FGF13: variants seen among roughly 807,000 people sequenced by gnomAD.
FGF13 encodes fibroblast growth factor 13.
Under a neutral mutation model 19.5 loss-of-function variants are expected in FGF13, and 2 were observed. The ratio of observed to expected loss-of-function variants is 0.10; its 90% CI spans 0.04 to 0.32. FGF13 has a LOEUF of 0.32. Among genes scored for constraint, FGF13 ranks in the 10% least tolerant of loss-of-function variants. FGF13 has a pLI of 1.00. For synonymous variants in FGF13, 72 were observed against 76.9 expected (o/e 0.94, Z 0.33); for missense variants, 113 against 192.7 (o/e 0.59, Z 2.45).
intron 1 of FGF13, among the ~76,000 whole-genome samples, chrX:138,990,350 C>A (rs968479231): frequency 8.1e-5 from 9 of 110,647 alleles, no homozygotes; most frequent in Non-Finnish European, 1.7e-4. Context: ...AAAAACATAG[C>A]TTTCTGAGTA....
At chrX:138,710,416 G>GAGGGATTCCCC (rs1247113521) in intron 1 of FGF13, among the ~76,000 whole-genome samples, 1 of 111,496 alleles carries the variant, frequency 9.0e-6, no homozygotes, top group Non-Finnish European at 1.9e-5. Context: ...AAAAGCAAGA[G>GAGGGATTCCCC]AGGGATTCCC....
upstream of FGF13, chrX:139,204,229 G>C (rs954776079): frequency 4.6e-6 from 3 of 655,907 alleles, no homozygotes; most frequent in South Asian, 2.6e-5. Context: ...TGTGGTTCGG[G>C]GCGGAATCCG....
chrX:138,678,363 A>ACAG (rs2089694771), intron 3 of FGF13, among the ~76,000 whole-genome samples: 1 of 112,048 alleles, frequency 8.9e-6, no homozygotes, highest in African/African-American at 3.2e-5. Context: ...AACTTAAAGT[A>ACAG]TAATAATAAT....
chrX:139,133,098 A>G (rs1260678421), intron 1 of FGF13, among the ~76,000 whole-genome samples: 1 of 111,213 alleles, frequency 9.0e-6, no homozygotes, highest in Non-Finnish European at 1.9e-5. Context: ...GGTTCTTTAT[A>G]TACTAATGTA....
chrX:138,931,120 T>A, intron 1 of FGF13, among the ~76,000 whole-genome samples: 1 of 112,829 alleles, frequency 8.9e-6, no homozygotes, highest in Non-Finnish European at 1.9e-5. Flanking sequence ...GACTACTGAC[T>A]CTAACTACCC....
At chrX:139,162,016 T>C (rs991806521) in intron 1 of FGF13, among the ~76,000 whole-genome samples, 29 of 112,019 alleles carry the variant, frequency 2.6e-4, no homozygotes, top group South Asian at 1.1e-3. Context: ...CAAGCTACCA[T>C]TGACTTTCTT....
At chrX:138,664,558 T>TGAGAGAGA (rs3831715) in intron 3 of FGF13, among the ~76,000 whole-genome samples, 2 of 104,336 alleles carry the variant, frequency 1.9e-5, no homozygotes, top group African/African-American at 7.0e-5. Flanking sequence ...TTTGCATGTG[T>TGAGAGAGA]GAGAGAGAGA....
chrX:138,873,234 G>GA lies in FGF13; in HGVS notation c.-112-8585dup, dbSNP rs1446107926. Among the ~76,000 whole-genome samples, 8 of 110,943 alleles carry GA rather than the reference G, an allele frequency of 7.2e-5. No homozygotes were observed. The Admixed American group carries it at 7.7e-4, about 11-fold the overall frequency. ...CCAGGAGACCTGCACTATAAGGCCA[G>GA]AAAAAAATTGGAAGGAGGAATGGTA... is the stretch of plus-strand genomic sequence containing the variant. On this transcript the variant is annotated intron_variant, in intron 1 of 2. Transcript: ENST00000421460.
At position 139,005,200 on chromosome X, in the gene FGF13, C is replaced by G. The variant is rs1337362472; in HGVS notation, c.-112-140550G>C. 6.1e-4 allele frequency among the ~76,000 whole-genome samples: 39 copies of G among 64,444 alleles called. 1 individual carries two copies. In the East Asian group the frequency reaches 0.015, roughly 24 times the overall value. 56.0% of individuals were successfully genotyped at this position (64,444 alleles called of 115,157 possible). On this transcript the variant is annotated intron_variant, in intron 1 of 2. Transcript: ENST00000421460. ...AGGGTTGCTTGTGTCACTGCCCCCC[C>G]CCCCCCCCCAGCTCCAGGTGGTACA...
intron 3 of FGF13, among the ~76,000 whole-genome samples, chrX:138,777,779 GGA>G (rs2090599633): frequency 9.0e-6 from 1 of 111,330 alleles, no homozygotes; most frequent in South Asian, 3.8e-4. Flanking sequence ...AAATCTCAAT[GGA>G]GTGACTTCTT....
At chrX:139,044,749 C>T (rs143631803) in intron 1 of FGF13, among the ~76,000 whole-genome samples, 2 of 112,009 alleles carry the variant, frequency 1.8e-5, no homozygotes, top group African/African-American at 3.3e-5. Context: ...TTTGACTCCA[C>T]GTCCCTCATC....
chrX:138,876,705 C>T (rs920723968), intron 1 of FGF13, among the ~76,000 whole-genome samples: 6 of 112,224 alleles, frequency 5.3e-5, no homozygotes, highest in Admixed American at 9.4e-5. Flanking sequence ...ACCTATGCTA[C>T]GTCCTCTAAG....
chrX:139,022,524 C>G (rs980819327), intron 1 of FGF13, among the ~76,000 whole-genome samples: 1 of 111,644 alleles, frequency 9.0e-6, no homozygotes, highest in Admixed American at 9.5e-5. Flanking sequence ...TCTTCTTTAT[C>G]CAACCCAGTT....
chrX:138,638,591 C>T (rs1049564664), intron 3 of FGF13, among the ~76,000 whole-genome samples: 2 of 111,726 alleles, frequency 1.8e-5, no homozygotes, highest in Admixed American at 9.5e-5. Context: ...CCCAATCTAC[C>T]TTCCCCCAAC....
intron 3 of FGF13, among the ~76,000 whole-genome samples, chrX:138,666,582 C>T (rs1339792472): frequency 1.8e-5 from 2 of 111,166 alleles, no homozygotes; most frequent in African/African-American, 3.3e-5. Flanking sequence ...TTTGGAAAAC[C>T]ACTTCATCTT....
intron 1 of FGF13, among the ~76,000 whole-genome samples, chrX:139,084,146 G>C (rs1479120374): frequency 9.1e-6 from 1 of 109,562 alleles, no homozygotes; most frequent in Non-Finnish European, 1.9e-5. Flanking sequence ...TACCAGAGAT[G>C]TTGTTATGAA....
At chrX:138,868,768 C>T (rs1363711491) in intron 1 of FGF13, among the ~76,000 whole-genome samples, 2 of 110,586 alleles carry the variant, frequency 1.8e-5, no homozygotes, top group East Asian at 2.9e-4. Flanking sequence ...TGCATCATCA[C>T]TATCCCCTTC....
rs181549737 is a variant in FGF13, at chrX:139,113,090, A to C, written c.-113+90326T>G. On this transcript the variant is annotated intron_variant, in intron 1 of 2. Transcript: ENST00000421460. ...CTTTTTGAGTAGTGCCAAGACACTA[A>C]GTCATGAAAACAAAAGGGTAAATGT... Among the ~76,000 whole-genome samples, 286 of 109,292 alleles carry C rather than the reference A, an allele frequency of 2.6e-3. 5 individuals carry two copies. Among genetic ancestry groups the C allele is most frequent in the Admixed American group, 0.022 (226 of 10,129 alleles). The allele number at this position is 109,292 out of a possible 115,157, so 94.9% of individuals were successfully genotyped here.
At chrX:138,903,362 C>T (rs1447526301) in intron 1 of FGF13, among the ~76,000 whole-genome samples, 2 of 111,745 alleles carry the variant, frequency 1.8e-5, no homozygotes. Flanking sequence ...TCTCCCCAAG[C>T]ATCTCTACCA....
Sources: allele counts gnomAD v4.1 joint callset (sites outside exome capture counted in the v4.1 genomes callset), GRCh38; gene constraint gnomAD v4.1.1; transcripts MANE v1.5; gene names NCBI Gene and HGNC (gene_info 2026-07-23, HGNC 2026-07-21).